The following CELF2 variants were observed in gnomAD, a reference collection of about 807,000 sequenced individuals.
The protein encoded by CELF2 is CUG triplet repeat RNA-binding protein 2.
Under a neutral mutation model 62.6 loss-of-function variants are expected in CELF2, and 8 were observed. The observed-to-expected ratio is 0.13, with a 90% CI of 0.07 to 0.23. CELF2 has a LOEUF of 0.23. Ranked by LOEUF, CELF2 falls within the 10% of genes least tolerant of loss-of-function variation. CELF2 has a pLI of 1.00. For synonymous variants in CELF2, 258 were observed against 250.0 expected (o/e 1.03, Z -0.30); for missense variants, 333 against 671.0 (o/e 0.50, Z 5.56).
chr10:10,864,708 G>C (rs530819676), intron 1 of CELF2, among the ~76,000 whole-genome samples: 5 of 152,130 alleles, frequency 3.3e-5, no homozygotes, highest in Admixed American at 6.5e-5. Context: ...CCTCTCAAAG[G>C]CTCCATCTCC....
intron 1 of CELF2, among the ~76,000 whole-genome samples, chr10:10,812,560 G>C (rs538408326): frequency 6.6e-6 from 1 of 152,154 alleles, no homozygotes; most frequent in African/African-American, 2.4e-5. Context: ...TTATTTAGGA[G>C]GATAGGGACT....
chr10:10,887,541 T>C (rs1005417783), intron 1 of CELF2, among the ~76,000 whole-genome samples: 1 of 152,194 alleles, frequency 6.6e-6, no homozygotes, highest in Non-Finnish European at 1.5e-5. Context: ...CAAATACTAA[T>C]AGTACCAAAA....
chr10:10,677,779 T>TCA, the CELF2 span, among the ~76,000 whole-genome samples: 5 of 152,332 alleles, frequency 3.3e-5, no homozygotes, highest in Non-Finnish European at 7.3e-5. Context: ...TCCTAGCTGT[T>TCA]CTCTGCTAAG....
chr10:10,473,726 T>A, the CELF2 span, among the ~76,000 whole-genome samples: 1 of 152,072 alleles, frequency 6.6e-6, no homozygotes, highest in Non-Finnish European at 1.5e-5. Flanking sequence ...AAATAATTAT[T>A]CAGTCATTGA....
At position 11,192,782 on chromosome 10, in the gene CELF2, A is replaced by G. The variant is rs531367308; in HGVS notation, c.272-24643A>G. 4.6e-5 allele frequency among the ~76,000 whole-genome samples: 7 copies of G among 152,312 alleles called. No homozygotes were observed. In the South Asian group the frequency reaches 1.0e-3, roughly 23 times the overall value. ...GCGTGCGTTAGAATCACCTAGAGGA[A>G]TTGAAACAGAGAAATACCAGTGTCC... is the stretch of plus-strand genomic sequence containing the variant. On this transcript the variant is annotated intron_variant, in intron 2 of 12. Transcript: ENST00000633077.
chr10:10,870,313 G>A (rs1223525979), intron 1 of CELF2, among the ~76,000 whole-genome samples: 1 of 152,106 alleles, frequency 6.6e-6, no homozygotes. Context: ...ACTTTGACAT[G>A]TAAATGTATT....
chr10:10,919,667 CT>C (rs1252998056), intron 1 of CELF2, among the ~76,000 whole-genome samples: 1 of 152,146 alleles, frequency 6.6e-6, no homozygotes, highest in Non-Finnish European at 1.5e-5. Flanking sequence ...TTCTATTATC[CT>C]TCTGGATGTT....
At chr10:10,644,586 A>C in the CELF2 span, among the ~76,000 whole-genome samples, 2 of 152,152 alleles carry the variant, frequency 1.3e-5, no homozygotes, top group Non-Finnish European at 2.9e-5. Flanking sequence ...ACTCATCTTC[A>C]TCTGCTTCCA....
intron 1 of CELF2, among the ~76,000 whole-genome samples, chr10:11,032,294 T>C (rs2060258267): frequency 6.6e-6 from 1 of 152,166 alleles, no homozygotes. Context: ...ACCCAGTTTC[T>C]AATTTCAGCT....
At chr10:10,492,826 TG>T in the CELF2 span, among the ~76,000 whole-genome samples, 1 of 152,178 alleles carries the variant, frequency 6.6e-6, no homozygotes, top group Non-Finnish European at 1.5e-5. Context: ...GACTGAATCA[TG>T]GGGGCAGTTT....
At chr10:11,144,205 G>GT (rs1354603250) in intron 1 of CELF2, among the ~76,000 whole-genome samples, 1 of 152,104 alleles carries the variant, frequency 6.6e-6, no homozygotes, top group Non-Finnish European at 1.5e-5. Context: ...TCGCTAATGC[G>GT]TGGCAAGGTC....
In CELF2 at chr10:10,848,268, T is replaced by C. The variant is rs567843809; in HGVS notation, c.53+49451T>C. Among the ~76,000 whole-genome samples, 15 of 152,352 alleles carry C rather than the reference T, an allele frequency of 9.8e-5. No individual in the cohort carries two copies. The South Asian group carries it at 1.5e-3, about 15-fold the overall frequency. On this transcript the variant is annotated intron_variant, in intron 1 of 13. Transcript: ENST00000636488. ...TGGTCTTGAATAAGTTTGAATGCTCTTGACTTAGGGAGTAGAGCTATTTTA... is the reference window on the plus strand; with the variant it reads ...TGGTCTTGAATAAGTTTGAATGCTCCTGACTTAGGGAGTAGAGCTATTTTA...
the CELF2 span, among the ~76,000 whole-genome samples, chr10:10,520,696 G>A: frequency 1.1e-3 from 160 of 152,226 alleles, no homozygotes; most frequent in Non-Finnish European, 1.9e-3. Flanking sequence ...AGGGCAGCCA[G>A]ACGATATTTC....
chr10:10,474,463 T>C, the CELF2 span, among the ~76,000 whole-genome samples: 1 of 152,100 alleles, frequency 6.6e-6, no homozygotes, highest in African/African-American at 2.4e-5. Flanking sequence ...CAGACCATAA[T>C]GTCTATGGAT....
chr10:10,667,348 T>G, the CELF2 span, among the ~76,000 whole-genome samples: 45,322 of 152,124 alleles, frequency 0.3, 7,277 homozygotes, highest in South Asian at 0.52. Context: ...AAGAAATAAT[T>G]TATTCAAAAT....
intron 1 of CELF2, among the ~76,000 whole-genome samples, chr10:11,119,583 T>A (rs2057295069): frequency 6.6e-6 from 1 of 152,234 alleles, no homozygotes; most frequent in Non-Finnish European, 1.5e-5. Context: ...AATCTTTAGT[T>A]CCTTTTTACC....
intron 1 of CELF2, among the ~76,000 whole-genome samples, chr10:11,160,007 C>T (rs2065336218): frequency 6.6e-6 from 1 of 152,212 alleles, no homozygotes; most frequent in Non-Finnish European, 1.5e-5. Context: ...CCAGGCTACT[C>T]TCCATAGTGT....
intron 1 of CELF2, among the ~76,000 whole-genome samples, chr10:11,108,631 T>G (rs1490084512): frequency 6.6e-6 from 1 of 152,172 alleles, no homozygotes; most frequent in Non-Finnish European, 1.5e-5. Flanking sequence ...CTTCATCAAG[T>G]GTGGGAGATC....
At chr10:10,480,508 C>A in the CELF2 span, among the ~76,000 whole-genome samples, 8 of 152,164 alleles carry the variant, frequency 5.3e-5, no homozygotes, top group Admixed American at 6.5e-5. Context: ...GAGTCCCATG[C>A]ACTGAAATAT....
Sources: gnomAD v4.1 joint callset for allele counts (sites outside exome capture counted in the v4.1 genomes callset) on GRCh38, gnomAD v4.1.1 for gene constraint, MANE v1.5 for transcripts, NCBI Gene and HGNC (gene_info 2026-07-23, HGNC 2026-07-21) for gene names.